The following SEC23IP variants were observed in gnomAD, a reference collection of about 807,000 sequenced individuals.
SEC23IP encodes SEC23 interacting protein, also known as SEC23-interacting protein.
In SEC23IP, 70 loss-of-function variants were observed where a neutral mutation model predicts 113.4. That is an observed-to-expected ratio of 0.62 (90% CI 0.51 to 0.75). SEC23IP has a LOEUF of 0.75. Among genes scored for constraint, SEC23IP ranks in the 30% least tolerant of loss-of-function variants. SEC23IP has a pLI of 0.00. For missense variants in SEC23IP, 1,160 were observed against 1,204.9 expected (o/e 0.96, Z 0.55); for synonymous variants, 398 against 421.0 (o/e 0.95, Z 0.67).
At chr10:119,910,108 C>G (rs992012127) in intron 5 of SEC23IP, among the ~76,000 whole-genome samples, 1 of 152,140 alleles carries the variant, frequency 6.6e-6, no homozygotes, top group Non-Finnish European at 1.5e-5. Context: ...TGAAAGCAGC[C>G]AGAGACAATG....
At chr10:119,897,920 G>A (rs1178975282) in intron 1 of SEC23IP, among the ~76,000 whole-genome samples, 1 of 151,578 alleles carries the variant, frequency 6.6e-6, no homozygotes, top group Non-Finnish European at 1.5e-5. Flanking sequence ...CAGGAGAATG[G>A]CGTGAACCTG....
Position 119,942,097 on chromosome 10 carries a change from A to G in SEC23IP, c.*1532A>G, listed in dbSNP as rs906956490. 7 of 152,230 alleles carry G rather than the reference A, an allele frequency of 4.6e-5. No individual in the cohort carries two copies. Among genetic ancestry groups the G allele is most frequent in the Non-Finnish European group, 8.8e-5 (6 of 68,040 alleles). 9.4% of individuals were successfully genotyped at this position (152,230 alleles called of 1,614,324 possible). A position where few individuals can be genotyped will look rare whatever the true frequency, so the allele number is the denominator to read the frequency against. ...AATACTGATGAAATAAAGAAAAATGAGGGTTATTTATATACATTTCAATAA... is the reference window on the plus strand; with the variant it reads ...AATACTGATGAAATAAAGAAAAATGGGGGTTATTTATATACATTTCAATAA... On this transcript the variant is annotated 3_prime_UTR_variant, in exon 19 of 19. Coordinates refer to ENST00000369075, the MANE Select transcript of SEC23IP (RefSeq NM_007190.4).
intron 13 of SEC23IP, among the ~76,000 whole-genome samples, chr10:119,927,829 G>A (rs1855471614): frequency 6.6e-6 from 1 of 150,428 alleles, no homozygotes; most frequent in Admixed American, 6.6e-5. Context: ...CCAGTTTTCT[G>A]TGCACATTTT....
intron 18 of SEC23IP, among the ~76,000 whole-genome samples, chr10:119,935,740 A>G (rs538686524): frequency 6.6e-6 from 1 of 152,352 alleles, no homozygotes; most frequent in East Asian, 1.9e-4. Flanking sequence ...CCACATGGTA[A>G]AGACTGAGCA....
chr10:119,894,082 G>T (rs1476857698), intron 1 of SEC23IP, among the ~76,000 whole-genome samples: 1 of 152,166 alleles, frequency 6.6e-6, no homozygotes, highest in Admixed American at 6.6e-5. Context: ...TTCTATGTAT[G>T]TGTAGCCTCA....
intron 5 of SEC23IP, 62 bp downstream of exon 5, chr10:119,909,192 T>A: frequency 8.9e-7 from 1 of 1,120,274 alleles, no homozygotes; most frequent in Non-Finnish European, 1.3e-6. Context: ...CTGTGTATGT[T>A]TGATAAATTG....
At position 119,894,570 on chromosome 10, in the gene SEC23IP, A is replaced by G. The variant is rs11199114; in HGVS notation, c.163+1625A>G. On this transcript the variant is annotated intron_variant, in intron 1 of 18. Transcript: ENST00000369075. Reference sequence around the variant, plus strand: ...ATTTAGTAGACCAATTATTCAGTAGATGTTTGTTGAATGAGTGAAAGGATG... The same window carrying G: ...ATTTAGTAGACCAATTATTCAGTAGGTGTTTGTTGAATGAGTGAAAGGATG... Among the ~76,000 whole-genome samples, 602 of 152,268 alleles carry G rather than the reference A, an allele frequency of 4.0e-3. 17 individuals carry two copies. In the East Asian group the frequency reaches 0.079, roughly 20 times the overall value.
intron 3 of SEC23IP, 99 bp from the exon 4 acceptor site, chr10:119,903,985 G>A: frequency 7.8e-7 from 1 of 1,274,544 alleles, no homozygotes; most frequent in Non-Finnish European, 1.1e-6. Context: ...CTCCCAGGGT[G>A]CTGGGATTAC....
intron 1 of SEC23IP, among the ~76,000 whole-genome samples, chr10:119,893,291 T>C (rs1364941628): frequency 2.6e-5 from 4 of 152,044 alleles, no homozygotes; most frequent in African/African-American, 9.7e-5. Context: ...TAGGGTACAG[T>C]AGTCTGTCTC....
chr10:119,929,455 C>T (rs1855521994), intron 13 of SEC23IP, 152 bp from the exon 14 acceptor site: 8 of 614,162 alleles, frequency 1.3e-5, no homozygotes, highest in Admixed American at 7.9e-5. Context: ...AGGATGGTCT[C>T]GATCTCCTGA....
rs1049281905 is a variant in SEC23IP at position 119,941,446 on chromosome 10, G to A, written c.*881G>A. 1 of 152,154 alleles carries A rather than the reference G, an allele frequency of 6.6e-6. No individual in the cohort carries two copies. The highest frequency in any genetic ancestry group is 1.5e-5 in the Non-Finnish European group (1 of 68,028). 9.4% of individuals were successfully genotyped at this position (152,154 alleles called of 1,614,324 possible). ...AAAGTATGAAATGTGTTGCTTCTGA[G>A]TTATATAAGGCTACTTCATGACAAG... On this transcript the variant is annotated 3_prime_UTR_variant, in exon 19 of 19. Transcript: ENST00000369075.
Position 119,902,952 on chromosome 10 carries a change from C to T in SEC23IP, c.850C>T (p.Leu284=). Residue 284 remains leucine (L), a synonymous_variant, in exon 3 of 19, where the codon CTG becomes TTG. Coordinates refer to ENST00000369075, the MANE Select transcript of SEC23IP (RefSeq NM_007190.4). ...CTGCAAGGAGGTAGAATACAAACAA[C>T]TGTGGATGCCTTTTAGTGTGTTCGA... is the stretch of plus-strand genomic sequence containing the variant. ...FYCKEVEYKQ[L]WMPFSVFDSL... The T allele has an allele frequency of 6.2e-7, 1 of 1,614,190 alleles. No individual in the cohort carries two copies. The highest frequency in any genetic ancestry group is 8.5e-7 in the Non-Finnish European group (1 of 1,180,038).
intron 5 of SEC23IP, among the ~76,000 whole-genome samples, chr10:119,911,777 T>C (rs1209873073): frequency 1.3e-5 from 2 of 152,080 alleles, no homozygotes; most frequent in Non-Finnish European, 2.9e-5. Flanking sequence ...ACCTGGCCTA[T>C]GTTATTAGCT....
At chr10:119,918,792 G>A (rs894787174) in intron 10 of SEC23IP, among the ~76,000 whole-genome samples, 10 of 152,048 alleles carry the variant, frequency 6.6e-5, no homozygotes, top group Non-Finnish European at 1.0e-4. Flanking sequence ...TCCGTGTCCA[G>A]CCCTGAAACT....
chr10:119,899,231 TA>T (rs992711998), intron 2 of SEC23IP, among the ~76,000 whole-genome samples: 1 of 152,216 alleles, frequency 6.6e-6, no homozygotes, highest in African/African-American at 2.4e-5. Flanking sequence ...TAGAGTACGG[TA>T]AAAATAAGTG....
chr10:119,923,553 G>A (rs1199246357), intron 12 of SEC23IP, among the ~76,000 whole-genome samples: 1 of 142,800 alleles, frequency 7.0e-6, no homozygotes, highest in African/African-American at 2.6e-5. Flanking sequence ...TGTTGGTTCC[G>A]TTTTTTTTTT....
At chr10:119,910,829 G>A (rs1360828927) in intron 5 of SEC23IP, among the ~76,000 whole-genome samples, 2 of 151,760 alleles carry the variant, frequency 1.3e-5, no homozygotes, top group Non-Finnish European at 2.9e-5. Context: ...CTACAGGTGT[G>A]CGCCACCTTG....
chr10:119,913,461 A>T (rs1011803639), intron 6 of SEC23IP, among the ~76,000 whole-genome samples: 1 of 151,882 alleles, frequency 6.6e-6, no homozygotes, highest in Non-Finnish European at 1.5e-5. Context: ...TGAAGACTGT[A>T]TGTAAACAAA....
At chr10:119,898,350 T>A (rs943289067) in intron 1 of SEC23IP, 77 bp from the exon 2 acceptor site, 24 of 1,453,232 alleles carry the variant, frequency 1.7e-5, no homozygotes, top group Admixed American at 2.6e-5. Context: ...GTATAATTGC[T>A]AGCCCTTCCT....
Sources: allele counts gnomAD v4.1 joint callset (sites outside exome capture counted in the v4.1 genomes callset), GRCh38; gene constraint gnomAD v4.1.1; transcripts MANE v1.5; gene names NCBI Gene and HGNC (gene_info 2026-07-23, HGNC 2026-07-21).